The following C2CD3 variants were observed in gnomAD, a reference collection of about 807,000 sequenced individuals.
C2CD3 encodes the protein C2 domain containing 3 centriole elongation regulator.
A neutral mutation model predicts 234.0 loss-of-function variants in C2CD3; 148 were observed. The ratio of observed to expected loss-of-function variants is 0.63; its 90% CI spans 0.55 to 0.72. The LOEUF (loss-of-function observed/expected upper bound fraction) is 0.72, where lower values mean the gene tolerates loss of function less well. Ranked by LOEUF, C2CD3 falls within the 30% of genes least tolerant of loss-of-function variation. C2CD3 has a pLI of 0.00. For missense variants in C2CD3, 2,577 were observed against 2,811.5 expected (o/e 0.92, Z 1.89); for synonymous variants, 1,000 against 1,035.4 (o/e 0.97, Z 0.66).
chr11:74,136,011 G>A (rs1957851736), intron 5 of C2CD3, among the ~76,000 whole-genome samples: 1 of 151,824 alleles, frequency 6.6e-6, no homozygotes, highest in African/African-American at 2.4e-5. Flanking sequence ...ACTATTGGGT[G>A]CTATGCTCAG....
intron 32 of C2CD3, among the ~76,000 whole-genome samples, chr11:74,026,136 C>A (rs937578020): frequency 1.3e-5 from 2 of 152,060 alleles, no homozygotes; most frequent in Admixed American, 6.6e-5. Context: ...CACAGTGAGA[C>A]CCCGTCTCTA....
chr11:74,034,347 C>G, intron 30 of C2CD3, 69 bp from the exon 31 acceptor site: 2 of 1,481,648 alleles, frequency 1.3e-6, no homozygotes, highest in Middle Eastern at 1.8e-4. Flanking sequence ...CCCACACTAG[C>G]CTTTAGCTTC....
rs56105159 is a variant in C2CD3 at position 74,092,350 on chromosome 11, C to T, written c.3517+66G>A. 6.5e-4 allele frequency: 954 copies of T among 1,460,240 alleles called. 5 individuals carry two copies. The African/African-American group carries it at 0.011, about 17-fold the overall frequency. The allele number at this position is 1,460,240 out of a possible 1,614,324, so 90.5% of individuals were successfully genotyped here. A position where few individuals can be genotyped will look rare whatever the true frequency, so the allele number is the denominator to read the frequency against. On this transcript the variant is annotated intron_variant, in intron 19 of 32. Coordinates refer to ENST00000334126, the MANE Select transcript of C2CD3 (RefSeq NM_001286577.2). Reference sequence around the variant, plus strand: ...GATTAGAGGTGTGAACCACCGCACCCGGCTATTTTATATATTTTTATGTAT... The same window carrying T: ...GATTAGAGGTGTGAACCACCGCACCTGGCTATTTTATATATTTTTATGTAT...
chr11:74,112,365 C>T (rs913469693), intron 11 of C2CD3, among the ~76,000 whole-genome samples: 2 of 151,758 alleles, frequency 1.3e-5, no homozygotes, highest in Non-Finnish European at 2.9e-5. Context: ...TTATATTATC[C>T]TTTTTCTGTA....
At chr11:74,038,329 C>A (rs966282211) in intron 29 of C2CD3, among the ~76,000 whole-genome samples, 1 of 152,182 alleles carries the variant, frequency 6.6e-6, no homozygotes, top group Non-Finnish European at 1.5e-5. Flanking sequence ...TGTTTAAAAG[C>A]CTTTAATAGG....
At chr11:74,119,064 C>G (rs1192839770) in intron 8 of C2CD3, among the ~76,000 whole-genome samples, 1 of 151,964 alleles carries the variant, frequency 6.6e-6, no homozygotes, top group Non-Finnish European at 1.5e-5. Flanking sequence ...CATGAGCCAC[C>G]ACACCTGACT....
chr11:74,134,689 A>C (rs771801882), intron 5 of C2CD3, among the ~76,000 whole-genome samples: 2 of 152,180 alleles, frequency 1.3e-5, no homozygotes, highest in Non-Finnish European at 2.9e-5. Flanking sequence ...GGTTAGGCCA[A>C]GAAAAAAAAC....
intron 26 of C2CD3, among the ~76,000 whole-genome samples, chr11:74,050,711 G>GAAGTGAGATCTTGTC (rs1565230241): frequency 6.6e-6 from 1 of 151,912 alleles, no homozygotes; most frequent in African/African-American, 2.4e-5. Flanking sequence ...CATAACATTT[G>GAAGTGAGATCTTGTC]TTTGGACAGC....
chr11:74,085,336 G>C (rs1337873700), intron 21 of C2CD3, among the ~76,000 whole-genome samples: 1 of 151,852 alleles, frequency 6.6e-6, no homozygotes, highest in Middle Eastern at 3.2e-3. Flanking sequence ...AAAAAATTCA[G>C]GTATACAGAA....
At chr11:74,022,446 TC>T (rs544353749) in intron 32 of C2CD3, among the ~76,000 whole-genome samples, 1 of 152,256 alleles carries the variant, frequency 6.6e-6, no homozygotes, top group South Asian at 2.1e-4. Context: ...TGCAGGTGGG[TC>T]CGTACGTGTC....
intron 24 of C2CD3, among the ~76,000 whole-genome samples, chr11:74,062,672 G>A (rs369247137): frequency 2.0e-5 from 3 of 152,000 alleles, no homozygotes; most frequent in African/African-American, 7.3e-5. Flanking sequence ...AGAGAAAGCA[G>A]GAAAGATCTA....
rs142277857 is a variant in C2CD3, at chr11:74,042,061, A to G, written c.5653T>C (p.Ser1885Pro). ...PLSSQTSILT[S>P]LRKNLSELDQ... ...TTCTCAGTAGAGCCTCACCTGAGAG[A>G]AGTCAGAATGGAGGTTTGGGAGGAC... The change falls in exon 29 of 33, where the codon TCT (serine) becomes CCT (proline). Residue 1885 changes from serine to proline, a missense_variant. Physicochemically the swap from Ser to Pro is moderately conservative, Grantham distance 74. Transcript: ENST00000334126. 4.8e-3 allele frequency: 7,674 copies of G among 1,613,956 alleles called. 35 individuals are homozygous for G. Among genetic ancestry groups the G allele is most frequent in the Non-Finnish European group, 6.2e-3 (7,311 of 1,179,946 alleles).
At chr11:74,164,914 T>G (rs1427682644) in intron 2 of C2CD3, 1 of 151,946 alleles carries the variant, frequency 6.6e-6, no homozygotes, top group African/African-American at 2.4e-5. Context: ...CCACAAAAAA[T>G]ACAAAAATTA....
chr11:74,038,364 A>G lies in C2CD3; in HGVS notation c.5661-666T>C, dbSNP rs553295137. ...GGCCACATTCTCACCATTCTCCAAT[A>G]AGAAATCACACCAACCTTCACTTGC... On this transcript the variant is annotated intron_variant, in intron 29 of 32. Transcript: ENST00000334126. Among the ~76,000 whole-genome samples, 10 of 152,368 alleles carry G rather than the reference A, an allele frequency of 6.6e-5. No individual in the cohort carries two copies. In the East Asian group the frequency reaches 1.7e-3, roughly 26 times the overall value.
chr11:74,108,321 T>A (rs1233796227), intron 12 of C2CD3, among the ~76,000 whole-genome samples: 1 of 152,154 alleles, frequency 6.6e-6, no homozygotes, highest in African/African-American at 2.4e-5. Context: ...CTGTATTGTA[T>A]ATGTCTTCTG....
Position 74,054,668 on chromosome 11 carries a change from T to C in C2CD3, c.5094A>G (p.Leu1698=), listed in dbSNP as rs1297767698. ...PIWNFQQQSR[L]SKELLLDPQQ... ...GTGGGTCCAGAAGCAGCTCTTTTGA[T>C]AGCCTATTAAGAAAAACAACCACTG... The change falls in exon 26 of 33, where the codon CTA becomes CTG. Residue 1698 remains leucine (L), a synonymous_variant. Transcript: ENST00000334126. 9 of 1,610,082 alleles carry C rather than the reference T, an allele frequency of 5.6e-6. No homozygotes were observed. The African/African-American group carries it at 6.7e-5, about 12-fold the overall frequency.
rs1438686208 is a variant in C2CD3, at chr11:74,116,984, A to G, written c.1520+1244T>C. Among the ~76,000 whole-genome samples the G allele has an allele frequency of 3.3e-3, 371 of 111,062 alleles. 19 individuals carry two copies. Among genetic ancestry groups the G allele is most frequent in the African/African-American group, 0.013 (302 of 23,310 alleles). The allele number at this position is 111,062 out of a possible 152,430, so 72.9% of individuals were successfully genotyped here. A position where few individuals can be genotyped will look rare whatever the true frequency, so the allele number is the denominator to read the frequency against. ...TATATACACATATACACGTATATAT[A>G]CACATATACGTGTATATGTATATAT... On this transcript the variant is annotated intron_variant, in intron 9 of 32. Transcript: ENST00000334126.
At chr11:74,126,756 A>G (rs1222199584) in intron 7 of C2CD3, among the ~76,000 whole-genome samples, 1 of 152,238 alleles carries the variant, frequency 6.6e-6, no homozygotes, top group African/African-American at 2.4e-5. Context: ...AAAAATAAAA[A>G]TAAAAAGACT....
chr11:74,089,161 AATC>A, intron 20 of C2CD3, among the ~76,000 whole-genome samples: 1 of 152,318 alleles, frequency 6.6e-6, no homozygotes, highest in Admixed American at 6.5e-5. Context: ...AACAATGGGA[AATC>A]ATCAAGTTTT....
Sources: allele counts gnomAD v4.1 joint callset (sites outside exome capture counted in the v4.1 genomes callset), GRCh38; gene constraint gnomAD v4.1.1; transcripts MANE v1.5; gene names NCBI Gene and HGNC (gene_info 2026-07-23, HGNC 2026-07-21).